PDE1C: variants seen among roughly 807,000 people sequenced by gnomAD.
PDE1C encodes the protein phosphodiesterase 1C.
PDE1C carries 62 observed loss-of-function variants against 93.1 expected under a neutral mutation model. The observed-to-expected ratio is 0.67, with a 90% CI of 0.54 to 0.82. The LOEUF (loss-of-function observed/expected upper bound fraction) is 0.82, where lower values mean the gene tolerates loss of function less well. Ranked by LOEUF, PDE1C falls within the 40% of genes least tolerant of loss-of-function variation. The pLI, the probability that PDE1C is intolerant of heterozygous loss-of-function variation, is 0.00. For synonymous variants in PDE1C, 325 were observed against 310.1 expected, an observed-to-expected ratio of 1.05 and a Z score of -0.50; for missense variants, 742 against 884.6, an observed-to-expected ratio of 0.84 and a Z score of 2.04.
At chr7:31,850,027 T>C (rs553228906) in intron 8 of PDE1C, among the ~76,000 whole-genome samples, 1 of 152,206 alleles carries the variant, frequency 6.6e-6, no homozygotes, top group South Asian at 2.1e-4. Flanking sequence ...CTTGGACCCA[T>C]ATTTAATGTC....
intron 1 of PDE1C, chr7:32,209,635 G>A (rs376135731): frequency 3.9e-5 from 41 of 1,049,698 alleles, no homozygotes; most frequent in South Asian, 2.6e-4. Context: ...CTTTGACATC[G>A]GGCTGTATTT....
At chr7:32,206,286 G>A (rs1332036282) in intron 2 of PDE1C, among the ~76,000 whole-genome samples, 1 of 152,098 alleles carries the variant, frequency 6.6e-6, no homozygotes, top group African/African-American at 2.4e-5. Context: ...CAGGGGGAAA[G>A]GAGCAGAAAG....
chr7:31,846,541 G>C (rs1792628206), intron 9 of PDE1C, among the ~76,000 whole-genome samples: 1 of 151,952 alleles, frequency 6.6e-6, no homozygotes, highest in Non-Finnish European at 1.5e-5. Context: ...AGAAAACCTA[G>C]GCAATAGCAT....
At chr7:32,371,813 T>G (rs1784340120) in intron 1 of PDE1C, among the ~76,000 whole-genome samples, 2 of 152,220 alleles carry the variant, frequency 1.3e-5, no homozygotes, top group Admixed American at 1.3e-4. Context: ...AGATATCTTT[T>G]TTGCAGAAAT....
chr7:31,667,549 A>G, the PDE1C span, among the ~76,000 whole-genome samples: 1 of 152,156 alleles, frequency 6.6e-6, no homozygotes, highest in Non-Finnish European at 1.5e-5. Context: ...GTAGGGTCAC[A>G]ACAGGCAAAA....
the PDE1C span, among the ~76,000 whole-genome samples, chr7:31,696,451 G>C: frequency 4.6e-5 from 7 of 152,184 alleles, no homozygotes; most frequent in Admixed American, 4.6e-4. Flanking sequence ...AAAATTTTAT[G>C]CAAGAGGCTG....
At chr7:32,314,085 AG>A (rs1783116092) in intron 1 of PDE1C, among the ~76,000 whole-genome samples, 1 of 151,932 alleles carries the variant, frequency 6.6e-6, no homozygotes. Context: ...AAATAAATAA[AG>A]TGGGCCCACT....
intron 1 of PDE1C, among the ~76,000 whole-genome samples, chr7:32,283,231 G>A (rs149219204): frequency 3.7e-4 from 56 of 152,224 alleles, no homozygotes; most frequent in Non-Finnish European, 6.6e-4. Flanking sequence ...ATATTCATAT[G>A]AAAAGACATT....
rs141752483 is a variant in PDE1C at position 32,254,083 on chromosome 7, T to C, written c.86-44544A>G. Among the ~76,000 whole-genome samples the C allele has an allele frequency of 3.3e-5, 5 of 151,934 alleles. No homozygotes were observed. In the East Asian group the frequency reaches 9.7e-4, roughly 29 times the overall value. On this transcript the variant is annotated intron_variant, in intron 1 of 18. Transcript: ENST00000396193. Reference sequence around the variant, plus strand: ...AGGGTCTCATGCACCACTGAAACAATGAAATGAGGCGATACGGGGCGTATC... The same window carrying C: ...AGGGTCTCATGCACCACTGAAACAACGAAATGAGGCGATACGGGGCGTATC...
At chr7:31,801,322 C>T (rs1322153727) in intron 16 of PDE1C, among the ~76,000 whole-genome samples, 1 of 151,188 alleles carries the variant, frequency 6.6e-6, no homozygotes, top group Non-Finnish European at 1.5e-5. Context: ...AGAATAATAA[C>T]ATAATACAAA....
At chr7:32,183,654 G>A (rs868511751) in intron 2 of PDE1C, among the ~76,000 whole-genome samples, 10 of 152,272 alleles carry the variant, frequency 6.6e-5, no homozygotes, top group Non-Finnish European at 1.2e-4. Flanking sequence ...ATTAATTCAA[G>A]ATGGATTAAA....
At chr7:32,040,324 A>G (rs990571417) in intron 2 of PDE1C, among the ~76,000 whole-genome samples, 2 of 152,340 alleles carry the variant, frequency 1.3e-5, no homozygotes, top group African/African-American at 4.8e-5. Context: ...GTACCTCAAC[A>G]TTGGCACTCT....
intron 2 of PDE1C, among the ~76,000 whole-genome samples, chr7:31,881,082 C>T (rs1347073999): frequency 3.9e-5 from 6 of 152,130 alleles, no homozygotes; most frequent in Non-Finnish European, 2.9e-5. Context: ...AGGCACTGAC[C>T]ATACTTTCTA....
At chr7:31,688,431 GAA>G in the PDE1C span, among the ~76,000 whole-genome samples, 1 of 152,272 alleles carries the variant, frequency 6.6e-6, no homozygotes, top group South Asian at 2.1e-4. Flanking sequence ...AATGATAAGA[GAA>G]AAGACAAAAA....
the PDE1C span, among the ~76,000 whole-genome samples, chr7:31,625,370 C>G: frequency 9.2e-5 from 14 of 152,062 alleles, no homozygotes; most frequent in African/African-American, 3.1e-4. Flanking sequence ...TTGGAACCAA[C>G]CCAAATGTCC....
intron 1 of PDE1C, among the ~76,000 whole-genome samples, chr7:32,354,232 G>GT (rs1385017624): frequency 6.6e-6 from 1 of 152,134 alleles, no homozygotes; most frequent in Non-Finnish European, 1.5e-5. Context: ...TATTTGGCCA[G>GT]TAGTGATAAA....
intron 1 of PDE1C, among the ~76,000 whole-genome samples, chr7:32,329,618 T>C (rs1562676534): frequency 6.6e-6 from 1 of 152,216 alleles, no homozygotes; most frequent in Non-Finnish European, 1.5e-5. Flanking sequence ...ATAATAATGC[T>C]AACAAGTTAT....
chr7:32,266,753 G>A (rs982569005), intron 1 of PDE1C, among the ~76,000 whole-genome samples: 11 of 152,096 alleles, frequency 7.2e-5, no homozygotes, highest in South Asian at 2.1e-4. Flanking sequence ...TGGAGCTGGC[G>A]GTGAGGATGA....
chr7:32,212,086 A>T (rs1397438531), intron 1 of PDE1C, among the ~76,000 whole-genome samples: 4 of 151,926 alleles, frequency 2.6e-5, no homozygotes, highest in Non-Finnish European at 5.9e-5. Flanking sequence ...CCAGGGTTTT[A>T]CCAAAACCTT....
Sources: gnomAD v4.1 joint callset for allele counts (sites outside exome capture counted in the v4.1 genomes callset) on GRCh38, gnomAD v4.1.1 for gene constraint, MANE v1.5 for transcripts, NCBI Gene and HGNC (gene_info 2026-07-23, HGNC 2026-07-21) for gene names.